Variants in CMSS1 observed in about 807,000 individuals in gnomAD.
The protein encoded by CMSS1 is protein CMSS1.
In CMSS1, 33 loss-of-function variants were observed where a neutral mutation model predicts 43.5. That is an observed-to-expected ratio of 0.76 (90% CI 0.57 to 1.01). CMSS1 has a LOEUF of 1.01. CMSS1 is among the 50% of genes least tolerant of loss of function. The pLI is 0.00. For missense variants in CMSS1, 313 were observed against 326.4 expected (o/e 0.96, Z 0.32); for synonymous variants, 115 against 117.2 (o/e 0.98, Z 0.12).
chr3:100,092,580 C>G (rs974686561), intron 1 of CMSS1, among the ~76,000 whole-genome samples: 1 of 150,404 alleles, frequency 6.6e-6, no homozygotes, highest in Non-Finnish European at 1.5e-5. Flanking sequence ...ACACATACCC[C>G]AGTTGGAAGG....
At chr3:99,825,542 A>T (rs1368756078) in intron 1 of CMSS1, among the ~76,000 whole-genome samples, 1 of 152,334 alleles carries the variant, frequency 6.6e-6, no homozygotes, top group East Asian at 1.9e-4. Context: ...TCAGATGATT[A>T]AATGAGTGGT....
chr3:100,021,953 G>GTGTA (rs2064829354), intron 1 of CMSS1, among the ~76,000 whole-genome samples: 7 of 125,436 alleles, frequency 5.6e-5, no homozygotes, highest in Non-Finnish European at 1.2e-4. Flanking sequence ...GTGTGTGTGT[G>GTGTA]TGTGTGTGAG....
chr3:99,818,811 G>T (rs1277055825), intron 1 of CMSS1, among the ~76,000 whole-genome samples: 1 of 152,216 alleles, frequency 6.6e-6, no homozygotes, highest in Admixed American at 6.5e-5. Context: ...ATGCTCTGCT[G>T]TGTTTACCAA....
chr3:100,014,883 TTTTCTTTC>T (rs1576642166), intron 1 of CMSS1, among the ~76,000 whole-genome samples: 2 of 125,310 alleles, frequency 1.6e-5, no homozygotes, highest in Admixed American at 8.4e-5. Flanking sequence ...TCTTTTTTTT[TTTTCTTTC>T]TTTCTTTTTT....
At chr3:100,121,837 G>C (rs1281738128) in intron 1 of CMSS1, among the ~76,000 whole-genome samples, 2 of 152,146 alleles carry the variant, frequency 1.3e-5, no homozygotes, top group Non-Finnish European at 2.9e-5. Flanking sequence ...GACCTCAGAG[G>C]CTGGCCTCAC....
chr3:100,117,878 T>TATATATACACACATATATATATATATAC (rs1357671856), intron 1 of CMSS1, among the ~76,000 whole-genome samples: 1 of 129,084 alleles, frequency 7.7e-6, no homozygotes. Flanking sequence ...TATATATATA[T>TATATATACACACATATATATATATATAC]ACACATACAA....
chr3:100,109,507 A>G (rs1397777527), intron 1 of CMSS1, among the ~76,000 whole-genome samples: 2 of 152,138 alleles, frequency 1.3e-5, no homozygotes, highest in Non-Finnish European at 2.9e-5. Context: ...AGCTGTTGGC[A>G]ACCACTGATG....
chr3:100,156,726 C>G (rs2066978380), intron 2 of CMSS1, among the ~76,000 whole-genome samples: 1 of 152,334 alleles, frequency 6.6e-6, no homozygotes, highest in Middle Eastern at 3.4e-3. Context: ...CTCCATTCTC[C>G]TGCCTCAGCC....
At chr3:99,989,608 G>A (rs920885229) in intron 1 of CMSS1, among the ~76,000 whole-genome samples, 1 of 151,716 alleles carries the variant, frequency 6.6e-6, no homozygotes, top group African/African-American at 2.4e-5. Context: ...TTTTCAGAGA[G>A]TGGAAGTATT....
chr3:99,958,171 C>G (rs1049414941), intron 1 of CMSS1, among the ~76,000 whole-genome samples: 4 of 148,608 alleles, frequency 2.7e-5, no homozygotes, highest in African/African-American at 9.8e-5. Flanking sequence ...CTGCAGCTAT[C>G]AACCCATCAC....
intron 1 of CMSS1, among the ~76,000 whole-genome samples, chr3:100,074,196 A>G (rs1323153174): frequency 6.6e-6 from 1 of 152,198 alleles, no homozygotes; most frequent in Non-Finnish European, 1.5e-5. Flanking sequence ...CCTGCAGTGG[A>G]GTCCGAGAGC....
chr3:99,925,951 T>C, intron 1 of CMSS1: 1 of 898,962 alleles, frequency 1.1e-6, no homozygotes, highest in Non-Finnish European at 1.3e-6. Context: ...TAACTCGGGA[T>C]CTTTTGCTAG....
Position 100,162,325 on chromosome 3 carries a change from C to A in CMSS1, c.248C>A (p.Ala83Glu). Reference sequence around the variant, plus strand: ...TAGAAGAAAATTACTGATGTTCTTGCAAAATCAGAACCAAAACCAGGGTTA... The same window carrying A: ...TAGAAGAAAATTACTGATGTTCTTGAAAAATCAGAACCAAAACCAGGGTTA... The part of the protein sequence containing the change: ...RRKKKITDVL[A>E]KSEPKPGLPE... The change falls in exon 4 of 10, where the codon GCA becomes GAA. Residue 83 changes from alanine (A) to glutamate (E), a missense_variant. Transcript: ENST00000421999. 6.2e-7 allele frequency: 1 copy of A among 1,610,458 alleles called. No individual in the cohort carries two copies. Among genetic ancestry groups the A allele is most frequent in the Non-Finnish European group, 8.5e-7 (1 of 1,178,596 alleles).
chr3:100,104,530 C>T (rs565517211), intron 1 of CMSS1, among the ~76,000 whole-genome samples: 2 of 152,132 alleles, frequency 1.3e-5, no homozygotes, highest in Non-Finnish European at 2.9e-5. Context: ...TGGCTTGGAA[C>T]ATAGGCCTGT....
At chr3:100,045,569 A>G (rs1408677160) in intron 1 of CMSS1, among the ~76,000 whole-genome samples, 4 of 151,812 alleles carry the variant, frequency 2.6e-5, no homozygotes, top group African/African-American at 9.7e-5. Context: ...AGGGGACTTC[A>G]TTTATCTTAA....
At chr3:99,919,214 T>C (rs1707048265) in intron 1 of CMSS1, among the ~76,000 whole-genome samples, 1 of 152,058 alleles carries the variant, frequency 6.6e-6, no homozygotes, top group Admixed American at 6.6e-5. Context: ...TGATTTCTCC[T>C]GAATGTTCTG....
intron 1 of CMSS1, among the ~76,000 whole-genome samples, chr3:100,126,032 T>C (rs555513184): frequency 6.6e-6 from 1 of 152,342 alleles, no homozygotes; most frequent in African/African-American, 2.4e-5. Context: ...ATAACGTCTG[T>C]ATGATGATCT....
At chr3:99,888,488 C>CA (rs1705979329) in intron 1 of CMSS1, among the ~76,000 whole-genome samples, 1 of 152,102 alleles carries the variant, frequency 6.6e-6, no homozygotes, top group African/African-American at 2.4e-5. Flanking sequence ...TCCCAGGCTA[C>CA]AACAAACAAA....
intron 4 of CMSS1, among the ~76,000 whole-genome samples, chr3:100,163,018 A>C (rs181342499): frequency 1.3e-5 from 2 of 152,330 alleles, no homozygotes; most frequent in East Asian, 1.9e-4. Context: ...TCAATCTAAT[A>C]GTTTTAACTG....
Sources: allele counts gnomAD v4.1 joint callset (sites outside exome capture counted in the v4.1 genomes callset), GRCh38; gene constraint gnomAD v4.1.1; transcripts MANE v1.5; gene names NCBI Gene and HGNC (gene_info 2026-07-23, HGNC 2026-07-21).